B3GAT2: variants seen among roughly 807,000 people sequenced by gnomAD.
B3GAT2 encodes galactosylgalactosylxylosylprotein 3-beta-glucuronosyltransferase 2.
Under a neutral mutation model 27.8 loss-of-function variants are expected in B3GAT2, and 26 were observed. That is an observed-to-expected ratio of 0.93 (90% CI 0.68 to 1.30). The LOEUF is 1.30. Ranked by LOEUF, B3GAT2 falls within the 50% of genes most tolerant of loss-of-function variation. The pLI, the probability that B3GAT2 is intolerant of heterozygous loss-of-function variation, is 0.00. For missense variants in B3GAT2, 458 were observed against 459.0 expected, an observed-to-expected ratio of 1.00 and a Z score of 0.02; for synonymous variants, 218 against 195.1, an observed-to-expected ratio of 1.12 and a Z score of -0.98.
At chr6:70,947,030 C>T (rs1189462608) in intron 1 of B3GAT2, among the ~76,000 whole-genome samples, 2 of 151,748 alleles carry the variant, frequency 1.3e-5, no homozygotes, top group African/African-American at 4.8e-5. Flanking sequence ...TCTTTGAAAC[C>T]AACGAGAACA....
At position 70,861,725 on chromosome 6, in the gene B3GAT2, C is replaced by G; in HGVS notation, c.910G>C (p.Glu304Gln). 6.2e-7 allele frequency: 1 copy of G among 1,614,142 alleles called. No homozygotes were observed. The highest frequency in any genetic ancestry group is 8.5e-7 in the Non-Finnish European group (1 of 1,179,996). Residue 304 changes from glutamate to glutamine, a missense_variant, in exon 4 of 4, where the codon GAG becomes CAG. By Grantham distance (29) the Glu-to-Gln change is conservative (BLOSUM62 2). Coordinates refer to ENST00000230053, the MANE Select transcript of B3GAT2 (RefSeq NM_080742.3). ...TKVLVWHTRT[E>Q]KVNLANEPKY... ...GGCTCGTTGGCTAGATTAACCTTCT[C>G]TGTCCGAGTGTGCCACACGAGAACC...
At chr6:70,950,863 C>T (rs533356781) in intron 1 of B3GAT2, among the ~76,000 whole-genome samples, 32 of 152,244 alleles carry the variant, frequency 2.1e-4, no homozygotes, top group Admixed American at 1.6e-3. Context: ...CAATTTATGT[C>T]AACTATATTT....
intron 1 of B3GAT2, among the ~76,000 whole-genome samples, chr6:70,944,513 G>T (rs1394393032): frequency 6.6e-6 from 1 of 152,186 alleles, no homozygotes; most frequent in Non-Finnish European, 1.5e-5. Flanking sequence ...CAGCGAGGCT[G>T]GGGGAGGGGT....
chr6:70,941,397 A>T (rs953740049), intron 1 of B3GAT2, among the ~76,000 whole-genome samples: 7 of 152,162 alleles, frequency 4.6e-5, no homozygotes, highest in Admixed American at 4.6e-4. Flanking sequence ...ATGTAATGCA[A>T]ACACTAAGCA....
chr6:70,902,631 T>C (rs963294176), intron 1 of B3GAT2, among the ~76,000 whole-genome samples: 56 of 142,600 alleles, frequency 3.9e-4, no homozygotes, highest in African/African-American at 1.5e-3. Context: ...TATATATATA[T>C]ATATATACAC....
At chr6:70,953,856 AT>A (rs1765610890) in intron 1 of B3GAT2, among the ~76,000 whole-genome samples, 1 of 152,104 alleles carries the variant, frequency 6.6e-6, no homozygotes. Flanking sequence ...ATATGGACTA[AT>A]GAAAAACCTA....
intron 1 of B3GAT2, among the ~76,000 whole-genome samples, chr6:70,929,985 A>G (rs1038006337): frequency 2.0e-5 from 3 of 152,220 alleles, no homozygotes; most frequent in African/African-American, 4.8e-5. Context: ...TACTGATACT[A>G]AAACAGAGAT....
At chr6:70,942,350 C>T (rs1292706377) in intron 1 of B3GAT2, among the ~76,000 whole-genome samples, 2 of 152,106 alleles carry the variant, frequency 1.3e-5, no homozygotes, top group African/African-American at 4.8e-5. Flanking sequence ...GCCTATTTCT[C>T]CACCTCATCT....
intron 1 of B3GAT2, among the ~76,000 whole-genome samples, chr6:70,907,707 T>C (rs1385530195): frequency 2.0e-5 from 3 of 152,186 alleles, no homozygotes; most frequent in Non-Finnish European, 4.4e-5. Flanking sequence ...ACCAGTCCTC[T>C]TCCCTTGCAG....
intron 3 of B3GAT2, 33 bp from the exon 4 acceptor site, chr6:70,861,782 C>T (rs1263338160): frequency 6.2e-7 from 1 of 1,614,028 alleles, no homozygotes; most frequent in Non-Finnish European, 8.5e-7. Context: ...GGGTAGCGCA[C>T]TCTTCATGGT....
intron 2 of B3GAT2, among the ~76,000 whole-genome samples, chr6:70,865,472 G>A (rs1014998686): frequency 3.3e-5 from 5 of 152,170 alleles, no homozygotes; most frequent in Admixed American, 6.5e-5. Context: ...CATGGCATTT[G>A]CATTGTATTA....
At chr6:70,938,541 G>A (rs1225195846) in intron 1 of B3GAT2, among the ~76,000 whole-genome samples, 2 of 150,786 alleles carry the variant, frequency 1.3e-5, no homozygotes, top group East Asian at 3.9e-4. Context: ...GCATGGTACT[G>A]GTACCAAAAC....
intron 2 of B3GAT2, among the ~76,000 whole-genome samples, chr6:70,888,326 C>A (rs963167428): frequency 2.0e-5 from 3 of 151,958 alleles, no homozygotes; most frequent in African/African-American, 4.8e-5. Flanking sequence ...ATTTTCTACA[C>A]ATAAATTACG....
At chr6:70,954,466 T>A (rs1285526383) in intron 1 of B3GAT2, among the ~76,000 whole-genome samples, 1 of 152,166 alleles carries the variant, frequency 6.6e-6, no homozygotes, top group East Asian at 1.9e-4. Flanking sequence ...CAATTACCTT[T>A]AAGAAAATTT....
intron 1 of B3GAT2, among the ~76,000 whole-genome samples, chr6:70,905,244 G>A (rs189565074): frequency 1.3e-5 from 2 of 152,142 alleles, no homozygotes; most frequent in Non-Finnish European, 1.5e-5. Flanking sequence ...CTGAGGAAAC[G>A]CAAGAGTTAC....
At chr6:70,943,067 T>A (rs1334954950) in intron 1 of B3GAT2, among the ~76,000 whole-genome samples, 1 of 152,178 alleles carries the variant, frequency 6.6e-6, no homozygotes, top group East Asian at 1.9e-4. Context: ...GTAAACAAAC[T>A]ACTGCGTTTT....
At chr6:70,871,223 T>TG (rs1771931132) in intron 2 of B3GAT2, among the ~76,000 whole-genome samples, 2 of 34,240 alleles carry the variant, frequency 5.8e-5, no homozygotes, top group African/African-American at 2.9e-4. Flanking sequence ...TTTTTTTTTG[T>TG]TTTTTTTTTT....
chr6:70,900,868 T>A (rs999959139), intron 1 of B3GAT2, among the ~76,000 whole-genome samples: 2 of 152,248 alleles, frequency 1.3e-5, no homozygotes, highest in Admixed American at 1.3e-4. Context: ...TTTAAAATGC[T>A]ATAGGCAACT....
chr6:70,955,139 G>GTTTATTTT (rs1765632877), intron 1 of B3GAT2, among the ~76,000 whole-genome samples: 3 of 150,576 alleles, frequency 2.0e-5, no homozygotes, highest in Non-Finnish European at 4.4e-5. Context: ...GTAACCACAG[G>GTTTATTTT]GCAGAACAGT....
Sources: allele counts gnomAD v4.1 joint callset (sites outside exome capture counted in the v4.1 genomes callset), GRCh38; gene constraint gnomAD v4.1.1; transcripts MANE v1.5; gene names NCBI Gene and HGNC (gene_info 2026-07-23, HGNC 2026-07-21).